Variants in METAP1D observed in about 807,000 individuals in gnomAD.
METAP1D encodes methionine aminopeptidase 1D, mitochondrial.
Under a neutral mutation model 40.5 loss-of-function variants are expected in METAP1D, and 31 were observed. The observed-to-expected ratio is 0.77, with a 90% CI of 0.58 to 1.03. METAP1D has a LOEUF of 1.03. Among genes scored for constraint, METAP1D ranks in the 50% least tolerant of loss-of-function variants. The probability of loss-of-function intolerance (pLI) is 0.00; values close to 1 mark genes in which losing one functional copy is unlikely to be tolerated. For missense variants in METAP1D, 411 were observed against 420.7 expected, an observed-to-expected ratio of 0.98 and a Z score of 0.20; for synonymous variants, 151 against 146.4, an observed-to-expected ratio of 1.03 and a Z score of -0.22.
At chr2:172,053,404 G>A (rs1559013128) in intron 1 of METAP1D, among the ~76,000 whole-genome samples, 1 of 152,188 alleles carries the variant, frequency 6.6e-6, no homozygotes, top group Non-Finnish European at 1.5e-5. Context: ...CACAAAGTAA[G>A]TTGGGTTTTT....
intron 1 of METAP1D, among the ~76,000 whole-genome samples, chr2:172,028,113 C>T (rs1407754284): frequency 6.6e-6 from 1 of 152,190 alleles, no homozygotes; most frequent in South Asian, 2.1e-4. Flanking sequence ...AAATGAGAAA[C>T]GTGCGTTTAG....
In METAP1D at chr2:172,061,618, TG is replaced by T; in HGVS notation, c.162del (p.Leu54PhefsTer15). 6.2e-7 allele frequency: 1 copy of T among 1,612,834 alleles called. No individual in the cohort carries two copies. Among genetic ancestry groups the T allele is most frequent in the South Asian group, 1.1e-5 (1 of 90,680 alleles). ...AGAGATATTTCACACAGTATAGTTT[TG>T]CCGGCTGCAGTTTCTTCAGCTCATC... is the stretch of plus-strand genomic sequence containing the variant. Reference protein sequence around the residue: ...RQRDISHSIVLPAAVSSAHPV... With the variant: ...RQRDISHSIVXPAAVSSAHPV... On this transcript the variant is annotated frameshift_variant, in exon 2 of 10. Transcript: ENST00000315796. LOFTEE classifies it high-confidence loss of function.
intron 1 of METAP1D, among the ~76,000 whole-genome samples, chr2:172,032,664 G>A (rs1293354279): frequency 6.6e-6 from 1 of 152,154 alleles, no homozygotes; most frequent in East Asian, 1.9e-4. Flanking sequence ...CAAACCCCTC[G>A]TGAAATAATG....
At chr2:172,070,823 A>G in intron 5 of METAP1D, 84 bp from the exon 6 acceptor site, 1 of 1,134,634 alleles carries the variant, frequency 8.8e-7, no homozygotes, top group Non-Finnish European at 1.2e-6. Context: ...TGAGTCTACT[A>G]AATACATAAA....
At chr2:172,044,847 C>A (rs1170106619) in intron 1 of METAP1D, among the ~76,000 whole-genome samples, 1 of 133,326 alleles carries the variant, frequency 7.5e-6, no homozygotes, top group Non-Finnish European at 1.7e-5. Flanking sequence ...GGAGGTCATG[C>A]CACTGCACTC....
chr2:172,077,412 C>T (rs771804050), intron 6 of METAP1D, among the ~76,000 whole-genome samples: 2 of 152,150 alleles, frequency 1.3e-5, no homozygotes, highest in Non-Finnish European at 2.9e-5. Flanking sequence ...TTTGTGAAAC[C>T]TCAAAAAAGC....
intron 1 of METAP1D, among the ~76,000 whole-genome samples, chr2:172,013,692 TAG>T (rs921739653): frequency 2.0e-5 from 3 of 151,728 alleles, no homozygotes; most frequent in African/African-American, 4.8e-5. Flanking sequence ...TGTGAGAGAA[TAG>T]AGAGAGCAAA....
intron 1 of METAP1D, among the ~76,000 whole-genome samples, chr2:172,028,558 GT>G (rs1689172013): frequency 2.5e-5 from 3 of 121,480 alleles, no homozygotes; most frequent in African/African-American, 6.2e-5. Flanking sequence ...GTGTGTGTGT[GT>G]GTGTGTGTGT....
rs755507427 is a variant in METAP1D at position 172,080,400 on chromosome 2, G to A, written c.1002G>A (p.Glu334=). The A allele has an allele frequency of 1.2e-6, 2 of 1,614,012 alleles. No homozygotes were observed. The change falls in exon 10 of 10, where the codon GAG becomes GAA. Residue 334 remains glutamate, a synonymous_variant. Transcript: ENST00000315796. Reference sequence around the variant, plus strand: ...AGATCCTGACCAAACTACCCCATGAGGCCTGAGGAGCCGCCCGAAGGTCGC... The same window carrying A: ...AGATCCTGACCAAACTACCCCATGAAGCCTGAGGAGCCGCCCGAAGGTCGC... ...GAQILTKLPH[E]A
At chr2:172,034,263 T>G (rs1478200336) in intron 1 of METAP1D, among the ~76,000 whole-genome samples, 2 of 152,138 alleles carry the variant, frequency 1.3e-5, no homozygotes, top group Non-Finnish European at 2.9e-5. Context: ...ACATGGGGAT[T>G]TGTTACACTA....
intron 1 of METAP1D, among the ~76,000 whole-genome samples, chr2:172,035,151 TTTTTTTG>T (rs1435854175): frequency 6.9e-5 from 8 of 115,402 alleles, no homozygotes; most frequent in Non-Finnish European, 1.5e-4. Context: ...TACTGTGTTT[TTTTTTTG>T]TTTGTTTGTT....
chr2:172,065,261 A>G (rs1454713479), intron 3 of METAP1D, among the ~76,000 whole-genome samples: 1 of 152,200 alleles, frequency 6.6e-6, no homozygotes, highest in Non-Finnish European at 1.5e-5. Context: ...CAGGGCACCA[A>G]TCATTGAGAA....
intron 4 of METAP1D, 96 bp downstream of exon 4, chr2:172,065,848 A>T (rs1574138992): frequency 7.7e-7 from 1 of 1,299,792 alleles, no homozygotes. Context: ...TTCAATTGAA[A>T]CCCACCGGTA....
chr2:172,049,793 A>C (rs1175182155), intron 1 of METAP1D, among the ~76,000 whole-genome samples: 1 of 152,080 alleles, frequency 6.6e-6, no homozygotes, highest in African/African-American at 2.4e-5. Flanking sequence ...AGAAGCTTGG[A>C]AATATATTGT....
Position 172,080,557 on chromosome 2 carries a change from G to A in METAP1D, c.*151G>A. Reference sequence around the variant, plus strand: ...CGTTTGGAAGAACGCGGGGGAGACTGAAGAGCAACTGGGAACTCGGATCTG... The same window carrying A: ...CGTTTGGAAGAACGCGGGGGAGACTAAAGAGCAACTGGGAACTCGGATCTG... On this transcript the variant is annotated 3_prime_UTR_variant, in exon 10 of 10. Coordinates refer to ENST00000315796, the MANE Select transcript of METAP1D (RefSeq NM_199227.3). 1.3e-6 allele frequency: 1 copy of A among 761,690 alleles called. No individual in the cohort carries two copies. Among genetic ancestry groups the A allele is most frequent in the South Asian group, 1.7e-5 (1 of 59,576 alleles). The allele number at this position is 761,690 out of a possible 1,614,324, so 47.2% of individuals were successfully genotyped here. A position where few individuals can be genotyped will look rare whatever the true frequency, so the allele number is the denominator to read the frequency against.
rs553339300 is a variant in METAP1D at position 172,079,937 on chromosome 2, C to T, written c.851-191C>T. On this transcript the variant is annotated intron_variant, in intron 8 of 9. Transcript: ENST00000315796. ...TTTGAATGGCGCAGTGTTTCCTCTT[C>T]CAACTGTTTAGTTTGTAGTATACTA... Among the ~76,000 whole-genome samples the T allele has an allele frequency of 2.8e-4, 43 of 152,292 alleles. No individual in the cohort carries two copies. In the South Asian group the frequency reaches 3.5e-3, roughly 12 times the overall value.
chr2:172,075,124 A>C (rs1027732848), intron 6 of METAP1D, among the ~76,000 whole-genome samples: 28 of 152,214 alleles, frequency 1.8e-4, no homozygotes, highest in African/African-American at 5.8e-4. Flanking sequence ...CTACAACATG[A>C]ATTGTAATCA....
chr2:172,077,923 T>A (rs1690586994), intron 7 of METAP1D, 29 bp downstream of exon 7: 1 of 1,293,746 alleles, frequency 7.7e-7, no homozygotes, highest in Admixed American at 1.7e-5. Context: ...AGGCTGTTTC[T>A]TGATCAGAGA....
intron 1 of METAP1D, among the ~76,000 whole-genome samples, chr2:172,000,988 G>A (rs920476673): frequency 6.6e-6 from 1 of 152,106 alleles, no homozygotes; most frequent in Admixed American, 6.6e-5. Context: ...TGGCAATAGA[G>A]CCAGACCCTG....
Sources: gnomAD v4.1 joint callset for allele counts (sites outside exome capture counted in the v4.1 genomes callset) on GRCh38, gnomAD v4.1.1 for gene constraint, MANE v1.5 for transcripts, NCBI Gene and HGNC (gene_info 2026-07-23, HGNC 2026-07-21) for gene names.